HACE1: variants seen among roughly 807,000 people sequenced by gnomAD.
HACE1 encodes HECT domain and ankyrin repeat containing E3 ubiquitin protein ligase 1.
HACE1 carries 73 observed loss-of-function variants against 118.4 expected under a neutral mutation model. The ratio of observed to expected loss-of-function variants is 0.62; its 90% CI spans 0.51 to 0.75. The LOEUF (loss-of-function observed/expected upper bound fraction) is 0.75. HACE1 is among the 30% of genes least tolerant of loss of function. HACE1 has a pLI of 0.00. For missense variants in HACE1, 749 were observed against 1,102.2 expected, an observed-to-expected ratio of 0.68 and a Z score of 4.54; for synonymous variants, 368 against 374.8, an observed-to-expected ratio of 0.98 and a Z score of 0.21.
chr6:104,848,939 C>A (rs1217433712), intron 4 of HACE1, among the ~76,000 whole-genome samples: 22 of 151,788 alleles, frequency 1.4e-4, no homozygotes, highest in Admixed American at 1.4e-3. Flanking sequence ...AATATAATGA[C>A]CCCAGATCCA....
chr6:104,758,314 C>T (rs13214890), intron 19 of HACE1, among the ~76,000 whole-genome samples: 21,061 of 152,134 alleles, frequency 0.14, 1,492 homozygotes, highest in Middle Eastern at 0.23. Context: ...GTCGGGTTAC[C>T]CACAAAGGGA....
chr6:104,775,776 T>G (rs1237615117), intron 17 of HACE1, among the ~76,000 whole-genome samples: 1 of 152,202 alleles, frequency 6.6e-6, no homozygotes, highest in Admixed American at 6.5e-5. Flanking sequence ...GCTGCCTAGC[T>G]CTACTGCAGC....
intron 22 of HACE1, among the ~76,000 whole-genome samples, chr6:104,734,142 C>CAA (rs11370746): frequency 0.031 from 2,711 of 86,732 alleles, 183 homozygotes; most frequent in African/African-American, 0.096. Context: ...GACTCTTCCT[C>CAA]AAAAAAAAAA....
rs555086542 is a variant in HACE1 at position 104,750,389 on chromosome 6, A to G, written c.2295T>C (p.His765=). 1 of 1,613,016 alleles carries G rather than the reference A, an allele frequency of 6.2e-7. No individual in the cohort carries two copies. The highest frequency in any genetic ancestry group is 2.2e-5 in the East Asian group (1 of 44,844). The change falls in exon 20 of 24, where the codon CAT becomes CAC. Residue 765 remains histidine (H), a synonymous_variant. Coordinates refer to ENST00000262903, the MANE Select transcript of HACE1 (RefSeq NM_020771.4). ...PQINAFLQGF[H]MFIPPSLIQL... is the part of the protein sequence containing the mutation. ...GTATGAGGGAGGGTGGAATGAACAT[A>G]TGAAAGCCCTGTAAAAAAGCATTGA...
intron 11 of HACE1, 141 bp downstream of exon 11, chr6:104,791,362 AG>A (rs1783001010): frequency 1.4e-6 from 1 of 722,922 alleles, no homozygotes; most frequent in Non-Finnish European, 2.5e-6. Context: ...GAGAGGAGAA[AG>A]GTGTGCCTAA....
chr6:104,801,399 C>T (rs1459298626), intron 7 of HACE1, among the ~76,000 whole-genome samples: 1 of 151,976 alleles, frequency 6.6e-6, no homozygotes, highest in African/African-American at 2.4e-5. Context: ...AAGAGCAACC[C>T]CAAGACACAT....
intron 19 of HACE1, among the ~76,000 whole-genome samples, chr6:104,756,752 C>T (rs558380461): frequency 9.2e-5 from 14 of 152,286 alleles, no homozygotes; most frequent in Admixed American, 5.9e-4. Flanking sequence ...TCGTTTCACC[C>T]GGGAAGCGCA....
intron 7 of HACE1, among the ~76,000 whole-genome samples, chr6:104,801,190 C>A (rs1332591992): frequency 6.6e-6 from 1 of 152,100 alleles, no homozygotes; most frequent in East Asian, 1.9e-4. Flanking sequence ...AAGAAATGAA[C>A]AAAGCCTCCA....
chr6:104,842,994 C>A (rs750432750), intron 5 of HACE1, among the ~76,000 whole-genome samples: 1 of 152,130 alleles, frequency 6.6e-6, no homozygotes, highest in East Asian at 1.9e-4. Context: ...TACCTGTAAT[C>A]CCAGATACTT....
intron 2 of HACE1, 141 bp from the exon 3 acceptor site, chr6:104,851,137 A>C (rs951871245): frequency 3.1e-6 from 2 of 641,574 alleles, no homozygotes; most frequent in African/African-American, 3.6e-5. Flanking sequence ...AGGCTGGAGT[A>C]CAGTGGCGAG....
intron 2 of HACE1, among the ~76,000 whole-genome samples, chr6:104,851,470 A>G (rs1460377518): frequency 6.6e-6 from 1 of 152,220 alleles, no homozygotes; most frequent in Non-Finnish European, 1.5e-5. Context: ...GCTCAGTATC[A>G]TCCAAAAACC....
At position 104,776,787 on chromosome 6, in the gene HACE1, A is replaced by G. The variant is rs1342330284; in HGVS notation, c.1818T>C (p.Asn606=). The change falls in exon 17 of 24, where the codon AAT becomes AAC. Residue 606 remains asparagine, a synonymous_variant. Transcript: ENST00000262903. ...ATGCATAATCAGGATTGACTATCTCATTGGACAGAATATCAAACCACTCAC... is the reference window on the plus strand; with the variant it reads ...ATGCATAATCAGGATTGACTATCTCGTTGGACAGAATATCAAACCACTCAC... The part of the protein sequence containing the change: ...VVREWFDILS[N]EIVNPDYALF... 6.2e-7 allele frequency: 1 copy of G among 1,610,400 alleles called. No individual in the cohort carries two copies. The highest frequency in any genetic ancestry group is 8.5e-7 in the Non-Finnish European group (1 of 1,176,614).
intron 7 of HACE1, among the ~76,000 whole-genome samples, chr6:104,803,660 A>T (rs1770655613): frequency 6.6e-6 from 1 of 152,242 alleles, no homozygotes; most frequent in African/African-American, 2.4e-5. Flanking sequence ...GACAAAATTC[A>T]ACAGCCCTTC....
intron 20 of HACE1, among the ~76,000 whole-genome samples, chr6:104,745,153 T>C (rs562702888): frequency 6.6e-6 from 1 of 152,286 alleles, no homozygotes; most frequent in Non-Finnish European, 1.5e-5. Context: ...CTGGAATAAT[T>C]TGGATCCTGT....
intron 19 of HACE1, among the ~76,000 whole-genome samples, chr6:104,752,540 G>T (rs904092063): frequency 2.0e-5 from 3 of 151,862 alleles, no homozygotes; most frequent in Admixed American, 6.6e-5. Context: ...TTTTTCCCAA[G>T]AGGTTTTGGC....
chr6:104,758,205 A>G (rs192626587), intron 19 of HACE1, among the ~76,000 whole-genome samples: 2 of 152,178 alleles, frequency 1.3e-5, no homozygotes, highest in African/African-American at 4.8e-5. Flanking sequence ...GAACACCACA[A>G]AGATACTCCT....
intron 19 of HACE1, chr6:104,766,849 A>G (rs1780063718): frequency 6.6e-6 from 1 of 152,190 alleles, no homozygotes; most frequent in African/African-American, 2.4e-5. Context: ...ACGTATACTA[A>G]TATTGGAACC....
At chr6:104,771,797 A>G (rs1037545464) in intron 18 of HACE1, 128 bp downstream of exon 18, 23 of 711,000 alleles carry the variant, frequency 3.2e-5, no homozygotes, top group Middle Eastern at 2.6e-4. Flanking sequence ...AATGGCTTAC[A>G]TATACAGATG....
At chr6:104,743,655 A>G (rs1039442819) in intron 22 of HACE1, among the ~76,000 whole-genome samples, 4 of 152,032 alleles carry the variant, frequency 2.6e-5, no homozygotes, top group African/African-American at 9.7e-5. Flanking sequence ...ACTGGTTCCA[A>G]AAGTGAACTT....
Sources: allele counts gnomAD v4.1 joint callset (sites outside exome capture counted in the v4.1 genomes callset), GRCh38; gene constraint gnomAD v4.1.1; transcripts MANE v1.5; gene names NCBI Gene and HGNC (gene_info 2026-07-23, HGNC 2026-07-21).